BRINP1: variants seen among roughly 807,000 people sequenced by gnomAD.
The protein encoded by BRINP1 is BMP/retinoic acid-inducible neural-specific protein 1.
A neutral mutation model predicts 72.9 loss-of-function variants in BRINP1; 17 were observed. The ratio of observed to expected loss-of-function variants is 0.23; its 90% CI spans 0.16 to 0.35. The LOEUF (loss-of-function observed/expected upper bound fraction) is 0.35, where lower values mean the gene tolerates loss of function less well. Among genes scored for constraint, BRINP1 ranks in the 10% least tolerant of loss-of-function variants. The pLI, the probability that BRINP1 is intolerant of heterozygous loss-of-function variation, is 1.00. For synonymous variants in BRINP1, 418 were observed against 378.5 expected, an observed-to-expected ratio of 1.10 and a Z score of -1.21; for missense variants, 850 against 1,001.6, an observed-to-expected ratio of 0.85 and a Z score of 2.04.
intron 1 of BRINP1, among the ~76,000 whole-genome samples, chr9:119,330,663 A>G (rs1410710712): frequency 1.3e-5 from 2 of 152,218 alleles, no homozygotes; most frequent in Non-Finnish European, 2.9e-5. Context: ...TACATTTAAC[A>G]TAAAAACTGG....
At chr9:119,285,603 T>G (rs578213415) in intron 2 of BRINP1, among the ~76,000 whole-genome samples, 2 of 152,322 alleles carry the variant, frequency 1.3e-5, no homozygotes, top group African/African-American at 2.4e-5. Flanking sequence ...TTTATCTAAT[T>G]GTCAAAGTCT....
intron 2 of BRINP1, among the ~76,000 whole-genome samples, chr9:119,269,170 C>A (rs1371575699): frequency 1.3e-5 from 2 of 152,114 alleles, no homozygotes; most frequent in Non-Finnish European, 2.9e-5. Context: ...TAATCATTAT[C>A]CCTCCCTCCT....
At chr9:119,318,283 C>T (rs1831146632) in intron 1 of BRINP1, among the ~76,000 whole-genome samples, 1 of 152,092 alleles carries the variant, frequency 6.6e-6, no homozygotes, top group South Asian at 2.1e-4. Flanking sequence ...AATATGACAC[C>T]TCATTTGTCT....
At chr9:119,269,570 A>T (rs1011363645) in intron 2 of BRINP1, among the ~76,000 whole-genome samples, 4 of 152,202 alleles carry the variant, frequency 2.6e-5, no homozygotes, top group Non-Finnish European at 4.4e-5. Context: ...CTTCTAGTTT[A>T]CAAAGCACAT....
In BRINP1 at chr9:119,221,734, T is replaced by C. The variant is rs545997536; in HGVS notation, c.686-7579A>G. Among the ~76,000 whole-genome samples, 59 of 152,270 alleles carry C rather than the reference T, an allele frequency of 3.9e-4. 1 individual carries two copies. Among genetic ancestry groups the C allele is most frequent in the Admixed American group, 2.0e-4 (3 of 15,274 alleles). On this transcript the variant is annotated intron_variant, in intron 5 of 7. Coordinates refer to ENST00000265922, the MANE Select transcript of BRINP1 (RefSeq NM_014618.3). ...TCTGCTCTGCAGGATCTTAAGAAGA[T>C]TTGGAATCCTTAGGTGAAAGATACA...
chr9:119,208,178 A>G (rs1829879056), intron 7 of BRINP1, among the ~76,000 whole-genome samples: 1 of 152,192 alleles, frequency 6.6e-6, no homozygotes, highest in South Asian at 2.1e-4. Context: ...GTAGCCAGGC[A>G]CTGAAGGTGA....
chr9:119,246,360 A>G (rs1351631561), intron 3 of BRINP1, among the ~76,000 whole-genome samples: 1 of 152,206 alleles, frequency 6.6e-6, no homozygotes, highest in East Asian at 1.9e-4. Context: ...CTAGAACGAA[A>G]GCAGGCAGAA....
At chr9:119,338,647 C>T (rs1284178854) in intron 1 of BRINP1, among the ~76,000 whole-genome samples, 3 of 148,134 alleles carry the variant, frequency 2.0e-5, no homozygotes, top group East Asian at 2.0e-4. Context: ...CCGAGGCGGG[C>T]GGATCACGAG....
Position 119,313,369 on chromosome 9 carries a change from C to G in BRINP1, c.-14G>C. The stretch of plus-strand genomic sequence containing the variant: ...CCTCCAGTTCATGCTTTTCTGCCGG[C>G]CTTTTTCCTCTCATTCTTGCTCCAT... On this transcript the variant is annotated 5_prime_UTR_variant, in exon 2 of 8. Transcript: ENST00000265922. 1.2e-6 allele frequency: 2 copies of G among 1,612,856 alleles called. No homozygotes were observed. The highest frequency in any genetic ancestry group is 1.7e-6 in the Non-Finnish European group (2 of 1,179,824).
chr9:119,363,217 C>T (rs1007242308), intron 1 of BRINP1, among the ~76,000 whole-genome samples: 6 of 152,134 alleles, frequency 3.9e-5, no homozygotes, highest in African/African-American at 1.4e-4. Context: ...ATTCTCCAAC[C>T]TCGGCCTACG....
chr9:119,186,338 C>A (rs1174634755), intron 7 of BRINP1, among the ~76,000 whole-genome samples: 1 of 151,952 alleles, frequency 6.6e-6, no homozygotes, highest in Non-Finnish European at 1.5e-5. Flanking sequence ...GAAGCCACAC[C>A]CAAGTCAGGA....
chr9:119,207,836 T>C (rs1402254011), intron 7 of BRINP1, among the ~76,000 whole-genome samples: 1 of 152,146 alleles, frequency 6.6e-6, no homozygotes, highest in African/African-American at 2.4e-5. Flanking sequence ...CCCCCAAATA[T>C]GCAACAAATA....
intron 1 of BRINP1, among the ~76,000 whole-genome samples, chr9:119,363,769 A>T (rs2119046061): frequency 6.6e-6 from 1 of 152,332 alleles, no homozygotes; most frequent in South Asian, 2.1e-4. Flanking sequence ...TAGCTATGTA[A>T]ATTAAAATAA....
chr9:119,348,366 G>A (rs1831469738), intron 1 of BRINP1, among the ~76,000 whole-genome samples: 1 of 152,124 alleles, frequency 6.6e-6, no homozygotes, highest in Non-Finnish European at 1.5e-5. Flanking sequence ...CCTATTGAAG[G>A]ATATCTTAGT....
chr9:119,314,994 T>C (rs1831110956), intron 1 of BRINP1, among the ~76,000 whole-genome samples: 1 of 152,198 alleles, frequency 6.6e-6, no homozygotes, highest in Non-Finnish European at 1.5e-5. Context: ...GGCCAAACCC[T>C]GTTTAAATCC....
At chr9:119,303,090 C>T (rs939649150) in intron 2 of BRINP1, among the ~76,000 whole-genome samples, 1 of 152,126 alleles carries the variant, frequency 6.6e-6, no homozygotes, top group African/African-American at 2.4e-5. Context: ...TATTTACCTA[C>T]TTCTTTCTCA....
At chr9:119,239,772 G>A (rs908256980) in intron 4 of BRINP1, among the ~76,000 whole-genome samples, 5 of 152,074 alleles carry the variant, frequency 3.3e-5, no homozygotes, top group African/African-American at 9.7e-5. Flanking sequence ...TTAGCACTTC[G>A]GGTGCAGTCA....
intron 2 of BRINP1, among the ~76,000 whole-genome samples, chr9:119,283,668 G>A (rs1830733884): frequency 6.6e-6 from 1 of 152,164 alleles, no homozygotes; most frequent in Admixed American, 6.5e-5. Context: ...GAGTAGCTGG[G>A]ATTACAGGCG....
At chr9:119,285,413 C>T (rs892351910) in intron 2 of BRINP1, among the ~76,000 whole-genome samples, 27 of 152,096 alleles carry the variant, frequency 1.8e-4, no homozygotes, top group Admixed American at 3.9e-4. Flanking sequence ...ATCCATTTAA[C>T]GCTTACCATC....
Sources: gnomAD v4.1 joint callset for allele counts (sites outside exome capture counted in the v4.1 genomes callset) on GRCh38, gnomAD v4.1.1 for gene constraint, MANE v1.5 for transcripts, NCBI Gene and HGNC (gene_info 2026-07-23, HGNC 2026-07-21) for gene names.